CTXND1: variants seen among roughly 807,000 people sequenced by gnomAD.
CTXND1 encodes cortexin domain-containing 1 protein.
intron 1 of CTXND1, among the ~76,000 whole-genome samples, chr15:80,239,896 A>G (rs1413560868): frequency 2.0e-5 from 3 of 152,006 alleles, no homozygotes; most frequent in Non-Finnish European, 4.4e-5. Context: ...ATTATTGATC[A>G]TTTGCTGTTA....
chr15:80,243,490 T>G (rs1258811509), intron 1 of CTXND1, among the ~76,000 whole-genome samples: 2 of 152,156 alleles, frequency 1.3e-5, no homozygotes, highest in Admixed American at 6.5e-5. Context: ...TGGTAGAGTC[T>G]TCACAGGGTG....
In CTXND1 at chr15:80,218,889, A is replaced by T. The variant is rs533247011; in HGVS notation, c.-217-15149T>A. Among the ~76,000 whole-genome samples the T allele has an allele frequency of 3.3e-5, 5 of 151,806 alleles. No individual in the cohort carries two copies. The East Asian group carries it at 9.7e-4, about 29-fold the overall frequency. On this transcript the variant is annotated intron_variant, in intron 1 of 2. Transcript: ENST00000560778. The stretch of plus-strand genomic sequence containing the variant: ...ATGCATATTTTTATATTTTTATTAT[A>T]TAAGAAGAATATATTCATACACCAT...
intron 1 of CTXND1, among the ~76,000 whole-genome samples, chr15:80,221,808 C>G (rs1432431544): frequency 6.6e-6 from 1 of 152,102 alleles, no homozygotes; most frequent in Non-Finnish European, 1.5e-5. Flanking sequence ...GAAACCATTG[C>G]TCTAACTGCT....
At chr15:80,235,695 T>C (rs764859755) in intron 1 of CTXND1, among the ~76,000 whole-genome samples, 1 of 151,988 alleles carries the variant, frequency 6.6e-6, no homozygotes, top group African/African-American at 2.4e-5. Flanking sequence ...TCTGTAGTTA[T>C]GACCCAGAAC....
intron 1 of CTXND1, among the ~76,000 whole-genome samples, chr15:80,223,088 A>T (rs1191104309): frequency 7.9e-5 from 12 of 152,034 alleles, no homozygotes; most frequent in Non-Finnish European, 2.9e-5. Context: ...TTATTTACTT[A>T]TTTTTTTGAG....
At chr15:80,236,708 G>C (rs1238799107) in intron 1 of CTXND1, among the ~76,000 whole-genome samples, 3 of 151,890 alleles carry the variant, frequency 2.0e-5, no homozygotes, top group East Asian at 3.9e-4. Context: ...ACTTGAACTG[G>C]GGAGGGAGAG....
In CTXND1 at chr15:80,195,560, T is replaced by A. The variant is rs941832044; in HGVS notation, c.*6210A>T. 1.3e-5 allele frequency: 2 copies of A among 152,182 alleles called. No homozygotes were observed. Among genetic ancestry groups the A allele is most frequent in the African/African-American group, 4.8e-5 (2 of 41,430 alleles). The allele number at this position is 152,182 out of a possible 1,614,324, so 9.4% of individuals were successfully genotyped here. A position where few individuals can be genotyped will look rare whatever the true frequency, so the allele number is the denominator to read the frequency against. On this transcript the variant is annotated 3_prime_UTR_variant, in exon 3 of 3. Coordinates refer to ENST00000560778, the MANE Select transcript of CTXND1 (RefSeq NM_001352888.2). ...ACAAGATCAAGGAACCAGCATCTGG[T>A]GAGGACCTTCTTGTTGCATCATAAA... is the stretch of plus-strand genomic sequence containing the variant.
chr15:80,228,202 G>A (rs761528012), intron 1 of CTXND1, among the ~76,000 whole-genome samples: 1 of 152,138 alleles, frequency 6.6e-6, no homozygotes, highest in Admixed American at 6.5e-5. Context: ...CCACATCTGC[G>A]GTTACTTCCC....
intron 1 of CTXND1, among the ~76,000 whole-genome samples, chr15:80,236,209 T>G (rs1893493704): frequency 6.6e-6 from 1 of 152,004 alleles, no homozygotes. Flanking sequence ...GGCCCGCTGC[T>G]CGTTTCTGTA....
intron 1 of CTXND1, among the ~76,000 whole-genome samples, chr15:80,246,031 T>A (rs1302838159): frequency 2.6e-5 from 4 of 152,224 alleles, no homozygotes; most frequent in African/African-American, 9.6e-5. Context: ...AGATCATAGG[T>A]AGTTTTTATT....
At chr15:80,240,341 T>G (rs1449963085) in intron 1 of CTXND1, among the ~76,000 whole-genome samples, 1 of 152,184 alleles carries the variant, frequency 6.6e-6, no homozygotes, top group Non-Finnish European at 1.5e-5. Context: ...CCCCTGTCCC[T>G]CATCTCCAAG....
At chr15:80,243,428 C>T (rs1308787816) in intron 1 of CTXND1, among the ~76,000 whole-genome samples, 1 of 152,232 alleles carries the variant, frequency 6.6e-6, no homozygotes, top group Non-Finnish European at 1.5e-5. Flanking sequence ...GAAGGCATGA[C>T]GGCCACTCAC....
intron 1 of CTXND1, among the ~76,000 whole-genome samples, chr15:80,209,141 CA>C (rs970309013): frequency 2.0e-5 from 3 of 152,144 alleles, no homozygotes; most frequent in African/African-American, 4.8e-5. Flanking sequence ...TGACATATCC[CA>C]GGGGAGGATT....
intron 1 of CTXND1, among the ~76,000 whole-genome samples, chr15:80,245,970 C>T (rs1207771447): frequency 1.3e-5 from 2 of 152,156 alleles, no homozygotes; most frequent in African/African-American, 4.8e-5. Context: ...ACCAGAAAAA[C>T]ACCAGGGAGA....
chr15:80,237,519 G>A (rs1228211477), intron 1 of CTXND1, among the ~76,000 whole-genome samples: 2 of 151,966 alleles, frequency 1.3e-5, no homozygotes, highest in African/African-American at 4.8e-5. Flanking sequence ...CAGATATATT[G>A]ATGCTCTTGT....
At chr15:80,228,965 C>CA (rs1269958380) in intron 1 of CTXND1, among the ~76,000 whole-genome samples, 2 of 151,974 alleles carry the variant, frequency 1.3e-5, no homozygotes, top group African/African-American at 4.8e-5. Context: ...ACATGATACT[C>CA]AAAGAAAAGG....
chr15:80,210,817 G>A (rs1247690245), intron 1 of CTXND1, among the ~76,000 whole-genome samples: 1 of 152,276 alleles, frequency 6.6e-6, no homozygotes, highest in African/African-American at 2.4e-5. Flanking sequence ...CCAGGTCAGG[G>A]TCCAGTGGGG....
chr15:80,247,790 T>G (rs1893649984), intron 1 of CTXND1, among the ~76,000 whole-genome samples: 1 of 152,030 alleles, frequency 6.6e-6, no homozygotes, highest in African/African-American at 2.4e-5. Context: ...CTTTTCTCTG[T>G]TCTTCTGCAG....
chr15:80,245,147 A>G (rs79151975), intron 1 of CTXND1, among the ~76,000 whole-genome samples: 3,039 of 152,254 alleles, frequency 0.02, 55 homozygotes, highest in Non-Finnish European at 0.03. Flanking sequence ...GACTAACACC[A>G]GCGGCTATCG....
Sources: gnomAD v4.1 joint callset for allele counts (sites outside exome capture counted in the v4.1 genomes callset) on GRCh38, gnomAD v4.1.1 for gene constraint, MANE v1.5 for transcripts, NCBI Gene and HGNC (gene_info 2026-07-23, HGNC 2026-07-21) for gene names.